Variants in ZNF469 observed in about 807,000 individuals in gnomAD.
The protein encoded by ZNF469 is zinc finger protein 469.
Under a neutral mutation model 1.0 loss-of-function variants are expected in ZNF469, and 1 was observed. The observed-to-expected ratio is 1.00, with a 90% CI of 0.35 to 4.73. ZNF469 has a LOEUF of 4.73. Among genes scored for constraint, ZNF469 ranks in the 30% most tolerant of loss-of-function variants. ZNF469 has a pLI of 0.16. For synonymous variants in ZNF469, 2,703 were observed against 2,363.4 expected, an observed-to-expected ratio of 1.14 and a Z score of -4.17; for missense variants, 6,100 against 5,356.3, an observed-to-expected ratio of 1.14 and a Z score of -4.33.
chr16:88,196,940 G>A, the ZNF469 span, among the ~76,000 whole-genome samples: 2 of 152,150 alleles, frequency 1.3e-5, no homozygotes, highest in Admixed American at 1.3e-4. Flanking sequence ...GCCTTGGGAG[G>A]GGTGACTTGC....
At chr16:88,245,056 C>G in the ZNF469 span, among the ~76,000 whole-genome samples, 1 of 152,004 alleles carries the variant, frequency 6.6e-6, no homozygotes, top group Non-Finnish European at 1.5e-5. Flanking sequence ...ACCCGTAGGG[C>G]AAAGGAATTT....
chr16:88,360,083 C>T, the ZNF469 span, among the ~76,000 whole-genome samples: 7 of 152,292 alleles, frequency 4.6e-5, no homozygotes, highest in African/African-American at 1.7e-4. Context: ...TCTCAAACTC[C>T]TGACTGCAGA....
At chr16:88,342,350 TG>T in the ZNF469 span, among the ~76,000 whole-genome samples, 1 of 152,076 alleles carries the variant, frequency 6.6e-6, no homozygotes, top group East Asian at 1.9e-4. Flanking sequence ...GAAGATCTCA[TG>T]GGGGAGGCCA....
At chr16:88,158,561 C>CT in the ZNF469 span, among the ~76,000 whole-genome samples, 1 of 888 alleles carries the variant, frequency 1.1e-3, no homozygotes, top group Non-Finnish European at 5.0e-3. Flanking sequence ...TCTCTGCTGT[C>CT]CCGGCAGCCT....
chr16:88,260,031 G>A, the ZNF469 span, among the ~76,000 whole-genome samples: 2 of 152,024 alleles, frequency 1.3e-5, no homozygotes, highest in African/African-American at 4.8e-5. This position sits in a 1 kb window ranked among gnomAD's most constrained non-coding sequence, Gnocchi z 4.1. Context: ...AGGCTGGAGT[G>A]CAGTGGTAAG....
At chr16:88,295,815 A>G in the ZNF469 span, among the ~76,000 whole-genome samples, 411 of 152,256 alleles carry the variant, frequency 2.7e-3, 2 homozygotes, top group Non-Finnish European at 4.7e-3. Flanking sequence ...TGTGCTGGGA[A>G]CACCATCTGC....
the ZNF469 span, among the ~76,000 whole-genome samples, chr16:88,186,868 G>C: frequency 1.3e-5 from 2 of 152,094 alleles, no homozygotes; most frequent in African/African-American, 4.8e-5. Flanking sequence ...TGTGACTCAC[G>C]GGGCCTGAGC....
chr16:88,199,657 C>T, the ZNF469 span, among the ~76,000 whole-genome samples: 9 of 152,250 alleles, frequency 5.9e-5, no homozygotes, highest in African/African-American at 2.2e-4. Context: ...CTATGTTCCA[C>T]AGAGGGTGCT....
chr16:88,352,255 G>C, the ZNF469 span, among the ~76,000 whole-genome samples: 5 of 152,222 alleles, frequency 3.3e-5, no homozygotes, highest in African/African-American at 1.2e-4. Flanking sequence ...ACCGAACTGT[G>C]CCCTTTCAGA....
chr16:88,405,803 C>A (rs1905013241), intron 1 of ZNF469, among the ~76,000 whole-genome samples: 1 of 152,224 alleles, frequency 6.6e-6, no homozygotes, highest in Admixed American at 6.5e-5. Context: ...GCCCAGCCCG[C>A]CCCACGGCCC....
chr16:88,284,728 G>A, the ZNF469 span, among the ~76,000 whole-genome samples: 243 of 152,074 alleles, frequency 1.6e-3, 1 homozygote, highest in Non-Finnish European at 2.5e-3. Context: ...AGGGCCTTCC[G>A]TGGTGTGCGG....
chr16:88,292,543 G>A, the ZNF469 span, among the ~76,000 whole-genome samples: 2 of 152,104 alleles, frequency 1.3e-5, no homozygotes, highest in Non-Finnish European at 2.9e-5. Flanking sequence ...TGACGCACGT[G>A]GGGAAGGGTC....
chr16:88,237,895 T>C, the ZNF469 span, among the ~76,000 whole-genome samples: 1 of 152,312 alleles, frequency 6.6e-6, no homozygotes, highest in Non-Finnish European at 1.5e-5. Flanking sequence ...TGCCTTTTCC[T>C]GAATGTCATG....
the ZNF469 span, among the ~76,000 whole-genome samples, chr16:88,323,165 C>G: frequency 1.3e-5 from 2 of 152,186 alleles, no homozygotes; most frequent in Admixed American, 1.3e-4. Flanking sequence ...AGTCAGGAGC[C>G]AGGCTCGGTG....
At chr16:88,259,288 G>C in the ZNF469 span, among the ~76,000 whole-genome samples, 2 of 143,188 alleles carry the variant, frequency 1.4e-5, no homozygotes, top group Non-Finnish European at 3.0e-5. The surrounding 1 kb of genome is among the most constrained non-coding windows in gnomAD (Gnocchi z 4.1). Context: ...AGGTGTCCTC[G>C]GTGGGTCAGG....
chr16:88,104,855 G>A, the ZNF469 span, among the ~76,000 whole-genome samples: 711 of 152,164 alleles, frequency 4.7e-3, 3 homozygotes, highest in African/African-American at 0.016. Context: ...TCAGGCCTGC[G>A]TTTCACTATC....
intron 1 of ZNF469, among the ~76,000 whole-genome samples, chr16:88,407,645 T>A (rs542403014): frequency 1.3e-5 from 2 of 152,326 alleles, no homozygotes; most frequent in Admixed American, 6.5e-5. Flanking sequence ...ATGGCTGGCA[T>A]GTGGCAGAGC....
Position 88,436,965 on chromosome 16 carries a change from G to A in ZNF469, c.9495G>A (p.Glu3165=), listed in dbSNP as rs1906628101. 6.7e-7 allele frequency: 1 copy of A among 1,500,294 alleles called. No homozygotes were observed. The highest frequency in any genetic ancestry group is 1.4e-5 in the African/African-American group (1 of 72,064). The allele number at this position is 1,500,294 out of a possible 1,614,324, so 92.9% of individuals were successfully genotyped here. ...SRELLRGHLQ[E]RHAQSKAGPW... ...AGCTGCTGCGGGGGCACCTGCAGGA[G>A]AGGCACGCGCAGAGCAAGGCCGGGC... The change falls in exon 3 of 3, where the codon GAG becomes GAA. Residue 3165 remains glutamate, a synonymous_variant. Coordinates refer to ENST00000565624, the MANE Select transcript of ZNF469 (RefSeq NM_001367624.2).
chr16:88,339,938 G>A, the ZNF469 span, among the ~76,000 whole-genome samples: 5 of 94,196 alleles, frequency 5.3e-5, no homozygotes, highest in African/African-American at 6.7e-5. Flanking sequence ...TGTTGGGGAC[G>A]GGCCACCCCT....
Sources: gnomAD v4.1 joint callset for allele counts (sites outside exome capture counted in the v4.1 genomes callset) on GRCh38, gnomAD v4.1.1 for gene constraint, Gnocchi (gnomAD v3.1) non-coding constraint, MANE v1.5 for transcripts, NCBI Gene and HGNC (gene_info 2026-07-23, HGNC 2026-07-21) for gene names.